Variants in OPN5 observed in about 807,000 individuals in gnomAD.
OPN5 encodes the protein opsin-5.
OPN5 carries 18 observed loss-of-function variants against 41.7 expected under a neutral mutation model. That is an observed-to-expected ratio of 0.43 (90% CI 0.30 to 0.64). The LOEUF is 0.64. Ranked by LOEUF, OPN5 falls within the 30% of genes least tolerant of loss-of-function variation. The pLI is 0.13. For synonymous variants in OPN5, 178 were observed against 164.3 expected, an observed-to-expected ratio of 1.08 and a Z score of -0.64; for missense variants, 318 against 434.5, an observed-to-expected ratio of 0.73 and a Z score of 2.38.
At chr6:47,801,276 A>C (rs184403206) in intron 4 of OPN5, among the ~76,000 whole-genome samples, 1 of 152,366 alleles carries the variant, frequency 6.6e-6, no homozygotes, top group African/African-American at 2.4e-5. Flanking sequence ...AAACTAAGTT[A>C]ATCTAATTAC....
intron 5 of OPN5, among the ~76,000 whole-genome samples, chr6:47,811,435 T>A (rs898139826): frequency 3.3e-5 from 5 of 152,248 alleles, no homozygotes; most frequent in Admixed American, 6.5e-5. Context: ...AAACTCATGA[T>A]GGCATACGAA....
chr6:47,803,094 T>C (rs1395350017), intron 4 of OPN5, among the ~76,000 whole-genome samples: 2 of 152,182 alleles, frequency 1.3e-5, no homozygotes, highest in African/African-American at 4.8e-5. Context: ...TAGTTGACCT[T>C]AATTATCATT....
intron 3 of OPN5, among the ~76,000 whole-genome samples, chr6:47,792,645 C>T (rs556233712): frequency 2.6e-5 from 4 of 152,190 alleles, no homozygotes; most frequent in South Asian, 4.1e-4. Context: ...TTTGTTGGAG[C>T]TCTCGGAATT....
intron 6 of OPN5, among the ~76,000 whole-genome samples, chr6:47,814,787 T>G (rs117553164): frequency 1.3e-5 from 2 of 152,278 alleles, no homozygotes; most frequent in East Asian, 3.9e-4. Flanking sequence ...TTGCATTTTA[T>G]GTCTGGGAGG....
At chr6:47,797,492 G>T (rs1254583141) in intron 4 of OPN5, among the ~76,000 whole-genome samples, 1 of 152,088 alleles carries the variant, frequency 6.6e-6, no homozygotes, top group Non-Finnish European at 1.5e-5. Context: ...AGTTAAAGTT[G>T]AATTATATTT....
chr6:47,797,085 C>T (rs1773597304), intron 4 of OPN5, among the ~76,000 whole-genome samples: 1 of 152,158 alleles, frequency 6.6e-6, no homozygotes, highest in Admixed American at 6.5e-5. Flanking sequence ...GATTCGATTA[C>T]CTCTCACTGG....
intron 5 of OPN5, among the ~76,000 whole-genome samples, chr6:47,809,204 A>G (rs927584905): frequency 8.5e-5 from 13 of 152,176 alleles, no homozygotes; most frequent in Non-Finnish European, 1.3e-4. Flanking sequence ...AGGCACCTGA[A>G]TTCATGGTCT....
intron 4 of OPN5, among the ~76,000 whole-genome samples, chr6:47,799,726 G>C (rs537890): frequency 0.092 from 13,960 of 152,060 alleles, 927 homozygotes; most frequent in African/African-American, 0.18. Flanking sequence ...CCTGACCCCG[G>C]GCCTTTGGTG....
At chr6:47,809,418 T>C (rs559593781) in intron 5 of OPN5, among the ~76,000 whole-genome samples, 2 of 152,298 alleles carry the variant, frequency 1.3e-5, no homozygotes, top group African/African-American at 4.8e-5. Flanking sequence ...GACTTTAGGT[T>C]CCTCACCACG....
chr6:47,799,481 T>G (rs999519008), intron 4 of OPN5, among the ~76,000 whole-genome samples: 2 of 152,202 alleles, frequency 1.3e-5, no homozygotes, highest in Non-Finnish European at 2.9e-5. Flanking sequence ...TCATTGACCC[T>G]GGCATTGCTG....
chr6:47,797,446 C>T lies in OPN5; in HGVS notation c.756+1883C>T, dbSNP rs765422606. On this transcript the variant is annotated intron_variant, in intron 4 of 6. Transcript: ENST00000371211. Reference sequence around the variant, plus strand: ...TAGCTCTCCCTTTAGCTCTTACCTGCATCTTTCAAAAAAGAAATTTAAATA... The same window carrying T: ...TAGCTCTCCCTTTAGCTCTTACCTGTATCTTTCAAAAAAGAAATTTAAATA... Among the ~76,000 whole-genome samples, 17 of 152,270 alleles carry T rather than the reference C, an allele frequency of 1.1e-4. No homozygotes were observed. The Middle Eastern group carries it at 0.01, about 91-fold the overall frequency.
At chr6:47,808,293 C>T (rs751407060) in exon 5 of OPN5, 14 of 1,613,860 alleles carry the variant, frequency 8.7e-6, no homozygotes, top group South Asian at 6.6e-5. Context: ...AAATCTGCAG[C>T]GATGTACAAT....
chr6:47,786,734 A>G, intron 2 of OPN5, 100 bp downstream of exon 2: 1 of 1,016,204 alleles, frequency 9.8e-7, no homozygotes, highest in Non-Finnish European at 1.5e-6. Context: ...TCTTCCCTTC[A>G]CATCTCCTTC....
At chr6:47,821,983 G>A (rs771515989) in intron 6 of OPN5, among the ~76,000 whole-genome samples, 1 of 151,958 alleles carries the variant, frequency 6.6e-6, no homozygotes, top group Non-Finnish European at 1.5e-5. Context: ...GCGGTGGCAC[G>A]TGCCTATAGT....
chr6:47,813,110 C>CAAA (rs1189106345), intron 6 of OPN5, among the ~76,000 whole-genome samples: 12 of 114,436 alleles, frequency 1.0e-4, no homozygotes, highest in South Asian at 5.6e-4. Context: ...ACAACAACAA[C>CAAA]AACAAGCAAC....
At chr6:47,820,912 C>CCA (rs1456467546) in intron 6 of OPN5, among the ~76,000 whole-genome samples, 1 of 152,122 alleles carries the variant, frequency 6.6e-6, no homozygotes, top group East Asian at 1.9e-4. Flanking sequence ...AGAACAGAAA[C>CCA]AGTCGATAAA....
intron 4 of OPN5, among the ~76,000 whole-genome samples, chr6:47,800,313 G>T (rs1429408239): frequency 6.6e-6 from 1 of 152,140 alleles, no homozygotes; most frequent in Non-Finnish European, 1.5e-5. Context: ...GAAGGGGTGG[G>T]GATTGCTATG....
intron 4 of OPN5, among the ~76,000 whole-genome samples, chr6:47,797,080 G>A (rs1441708234): frequency 6.6e-6 from 1 of 152,100 alleles, no homozygotes; most frequent in Non-Finnish European, 1.5e-5. Context: ...CCCATGATTC[G>A]ATTACCTCTC....
intron 6 of OPN5, among the ~76,000 whole-genome samples, chr6:47,820,499 T>C (rs992228698): frequency 6.6e-5 from 10 of 152,234 alleles, no homozygotes; most frequent in Admixed American, 6.5e-5. Flanking sequence ...ACAATAATTC[T>C]ATTTCCTTGC....
Sources: gnomAD v4.1 joint callset for allele counts (sites outside exome capture counted in the v4.1 genomes callset) on GRCh38, gnomAD v4.1.1 for gene constraint, MANE v1.5 for transcripts, NCBI Gene and HGNC (gene_info 2026-07-23, HGNC 2026-07-21) for gene names.